The following TBXAS1 variants were observed in gnomAD, a reference collection of about 807,000 sequenced individuals.
The protein encoded by TBXAS1 is thromboxane-A synthase.
Under a neutral mutation model 60.7 loss-of-function variants are expected in TBXAS1, and 48 were observed. The ratio of observed to expected loss-of-function variants is 0.79; its 90% CI spans 0.63 to 1.01. TBXAS1 has a LOEUF of 1.01. Among genes scored for constraint, TBXAS1 ranks in the 50% least tolerant of loss-of-function variants. TBXAS1 has a pLI of 0.00. For missense variants in TBXAS1, 685 were observed against 686.3 expected (o/e 1.00, Z 0.02); for synonymous variants, 287 against 269.7 (o/e 1.06, Z -0.63).
chr7:139,905,045 TTC>T (rs1245321787), intron 3 of TBXAS1, among the ~76,000 whole-genome samples: 1 of 88,406 alleles, frequency 1.1e-5, no homozygotes, highest in Non-Finnish European at 2.2e-5. Context: ...CTTTCTTTCT[TTC>T]TTTCTTTCTT....
rs117128364 is a variant in TBXAS1, at chr7:139,979,829, G to T, written c.1134+17596G>T. 1.3e-3 allele frequency among the ~76,000 whole-genome samples: 197 copies of T among 150,718 alleles called. 2 individuals are homozygous for T. In the East Asian group the frequency reaches 0.016, roughly 12 times the overall value. On this transcript the variant is annotated intron_variant, in intron 9 of 12. Coordinates refer to ENST00000448866, the MANE Select transcript of TBXAS1 (RefSeq NM_001061.7). The stretch of plus-strand genomic sequence containing the variant: ...GAAGTATACTGTTGTGTTTTTTGGG[G>T]TTTTTTTTATGTAACATTTGACAAG...
At chr7:139,965,466 G>A (rs748361597) in intron 9 of TBXAS1, among the ~76,000 whole-genome samples, 1 of 152,022 alleles carries the variant, frequency 6.6e-6, no homozygotes, top group Non-Finnish European at 1.5e-5. Flanking sequence ...ATGGAGTCTC[G>A]CTCTGTCATC....
intron 4 of TBXAS1, among the ~76,000 whole-genome samples, chr7:139,929,517 C>T (rs1223410241): frequency 6.6e-6 from 1 of 151,706 alleles, no homozygotes; most frequent in Admixed American, 6.6e-5. Flanking sequence ...AGCAGGTAAT[C>T]GAAAAAGGTT....
chr7:139,953,322 A>T, intron 5 of TBXAS1, 46 bp from the exon 6 acceptor site: 1 of 1,522,392 alleles, frequency 6.6e-7, no homozygotes. Flanking sequence ...ATTTAGGTGT[A>T]CTCCCGGCAT....
At chr7:139,804,751 CA>C (rs1211140262) in intron 4 of TBXAS1, among the ~76,000 whole-genome samples, 1 of 152,200 alleles carries the variant, frequency 6.6e-6, no homozygotes, top group Non-Finnish European at 1.5e-5. Context: ...ACTTGCCTGC[CA>C]CCATGTAAGA....
At chr7:139,790,953 C>G (rs1201361035) in intron 4 of TBXAS1, among the ~76,000 whole-genome samples, 2 of 152,168 alleles carry the variant, frequency 1.3e-5, no homozygotes. Flanking sequence ...CAGGCACCCA[C>G]CACCACACCC....
chr7:139,875,749 G>A, intron 3 of TBXAS1, 112 bp downstream of exon 3: 2 of 1,360,128 alleles, frequency 1.5e-6, no homozygotes, highest in Non-Finnish European at 2.1e-6. Context: ...TAGGAATGTT[G>A]TATGTGTTTC....
chr7:139,867,357 C>T (rs1801496844), intron 1 of TBXAS1, among the ~76,000 whole-genome samples: 1 of 152,196 alleles, frequency 6.6e-6, no homozygotes, highest in African/African-American at 2.4e-5. Flanking sequence ...CTCCTGCACA[C>T]CACAGGAGAA....
intron 4 of TBXAS1, among the ~76,000 whole-genome samples, chr7:139,812,085 C>T (rs1798033747): frequency 6.6e-6 from 1 of 152,174 alleles, no homozygotes; most frequent in Non-Finnish European, 1.5e-5. Context: ...GGTGGTAGTT[C>T]AGTATCTTAT....
chr7:139,821,379 G>T (rs1441953330), intron 4 of TBXAS1, among the ~76,000 whole-genome samples: 1 of 152,188 alleles, frequency 6.6e-6, no homozygotes, highest in Non-Finnish European at 1.5e-5. Context: ...GAATAGATTT[G>T]GGAGTGAACA....
rs1462747885 is a variant in TBXAS1, at chr7:139,953,442, A to G, written c.525A>G (p.Ala175=). The change falls in exon 6 of 13, where the codon GCA becomes GCG. Residue 175 remains alanine (A), a synonymous_variant. Coordinates refer to ENST00000448866, the MANE Select transcript of TBXAS1 (RefSeq NM_001061.7). ...AACGCTATGCGGAATCTGGGGACGC[A>G]TTTGACATCCAGAGGTAAGGCTGCT... ...HLKRYAESGD[A]FDIQRCYCNY... The G allele has an allele frequency of 9.9e-6, 16 of 1,614,202 alleles. No homozygotes were observed. The highest frequency in any genetic ancestry group is 1.3e-5 in the Non-Finnish European group (15 of 1,180,014).
intron 3 of TBXAS1, among the ~76,000 whole-genome samples, chr7:139,893,325 G>GACACACACACACAC (rs71170920): frequency 0.02 from 2,773 of 139,898 alleles, 46 homozygotes; most frequent in Non-Finnish European, 0.025. Context: ...CTATGGAATA[G>GACACACACACACAC]ACACACACAC....
chr7:139,906,190 G>A, intron 3 of TBXAS1: 1 of 268,534 alleles, frequency 3.7e-6, no homozygotes, highest in African/African-American at 2.3e-5. Context: ...TGAGTAGCTG[G>A]CACTACAGGT....
Position 139,881,556 on chromosome 7 carries a change from G to C in TBXAS1, c.236+5919G>C, listed in dbSNP as rs143608993. On this transcript the variant is annotated intron_variant, in intron 3 of 12. Transcript: ENST00000448866. Reference sequence around the variant, plus strand: ...TTTATTAATTCCTAGGTGTATTTCTGATTTCTCTATTCTGTTGTACTGCTT... The same window carrying C: ...TTTATTAATTCCTAGGTGTATTTCTCATTTCTCTATTCTGTTGTACTGCTT... Among the ~76,000 whole-genome samples, 342 of 152,024 alleles carry C rather than the reference G, an allele frequency of 2.2e-3. 7 individuals carry two copies. Among genetic ancestry groups the C allele is most frequent in the Admixed American group, 0.02 (307 of 15,268 alleles).
At chr7:139,918,321 G>A (rs1410061509) in intron 4 of TBXAS1, among the ~76,000 whole-genome samples, 1 of 152,056 alleles carries the variant, frequency 6.6e-6, no homozygotes, top group African/African-American at 2.4e-5. Flanking sequence ...CCCAGTTCAC[G>A]TGACCGTTGG....
In TBXAS1 at chr7:140,007,183, G is replaced by A; in HGVS notation, c.1226+1G>A. 1 of 1,614,032 alleles carries A rather than the reference G, an allele frequency of 6.2e-7. No homozygotes were observed. Among genetic ancestry groups the A allele is most frequent in the Middle Eastern group, 1.6e-4 (1 of 6,062 alleles). ...TGAGGATGTACCCGCCAGCTTTCAGGTGTGTGGTAGCCCCCTCCCCTGCCC... is the reference window on the plus strand; with the variant it reads ...TGAGGATGTACCCGCCAGCTTTCAGATGTGTGGTAGCCCCCTCCCCTGCCC... On this transcript the variant is annotated splice_donor_variant, in intron 10 of 12. Coordinates refer to ENST00000448866, the MANE Select transcript of TBXAS1 (RefSeq NM_001061.7). LOFTEE classifies it high-confidence loss of function.
chr7:139,913,177 CAG>C (rs1365334551), intron 4 of TBXAS1: 1 of 701,918 alleles, frequency 1.4e-6, no homozygotes, highest in Non-Finnish European at 2.6e-6. Context: ...GAAGGAATTG[CAG>C]AAGTTTAACT....
chr7:139,793,127 T>C (rs914701550), intron 4 of TBXAS1, among the ~76,000 whole-genome samples: 2 of 152,134 alleles, frequency 1.3e-5, no homozygotes, highest in African/African-American at 4.8e-5. Context: ...TAAAAAGTAC[T>C]AACTGGGCCA....
At chr7:139,823,026 C>G (rs1002311127) in intron 4 of TBXAS1, among the ~76,000 whole-genome samples, 1 of 152,006 alleles carries the variant, frequency 6.6e-6, no homozygotes, top group East Asian at 2.0e-4. Context: ...CCGTCCTCCC[C>G]ACTCACCCCA....
Sources: gnomAD v4.1 joint callset for allele counts (sites outside exome capture counted in the v4.1 genomes callset) on GRCh38, gnomAD v4.1.1 for gene constraint, MANE v1.5 for transcripts, NCBI Gene and HGNC (gene_info 2026-07-23, HGNC 2026-07-21) for gene names.